Variants in CPQ observed in about 807,000 individuals in gnomAD.
CPQ encodes Ser-Met dipeptidase.
Under a neutral mutation model 45.7 loss-of-function variants are expected in CPQ, and 37 were observed. That is an observed-to-expected ratio of 0.81 (90% CI 0.62 to 1.07). CPQ has a LOEUF of 1.07. Ranked by LOEUF, CPQ falls within the 50% of genes least tolerant of loss-of-function variation. CPQ has a pLI of 0.00. For missense variants in CPQ, 537 were observed against 572.9 expected (o/e 0.94, Z 0.64); for synonymous variants, 186 against 205.8 (o/e 0.90, Z 0.82).
At chr8:96,901,581 T>C (rs899851805) in intron 4 of CPQ, among the ~76,000 whole-genome samples, 1 of 152,240 alleles carries the variant, frequency 6.6e-6, no homozygotes, top group Non-Finnish European at 1.5e-5. Context: ...ACAAATCTAA[T>C]GTGTAAAGCT....
At chr8:97,119,313 A>G (rs1811654011) in intron 7 of CPQ, among the ~76,000 whole-genome samples, 1 of 130,324 alleles carries the variant, frequency 7.7e-6, no homozygotes, top group South Asian at 2.7e-4. Context: ...TGGACGACAG[A>G]GTGAGACTCC....
At chr8:96,911,618 C>T (rs953861243) in intron 4 of CPQ, among the ~76,000 whole-genome samples, 3 of 152,168 alleles carry the variant, frequency 2.0e-5, no homozygotes, top group Admixed American at 6.5e-5. Context: ...TCTTGTCATG[C>T]GGTCCTGAGC....
At chr8:96,831,143 A>C (rs1811453122) in intron 2 of CPQ, among the ~76,000 whole-genome samples, 1 of 152,166 alleles carries the variant, frequency 6.6e-6, no homozygotes, top group Non-Finnish European at 1.5e-5. Flanking sequence ...GTTCCTTGGA[A>C]GTATACATTT....
chr8:97,066,335 T>C, intron 7 of CPQ, 125 bp downstream of exon 7: 1 of 828,800 alleles, frequency 1.2e-6, no homozygotes. Flanking sequence ...TAAGCTTTTG[T>C]TCAAGGTATA....
chr8:96,864,897 A>C (rs367989953), intron 3 of CPQ, among the ~76,000 whole-genome samples: 1 of 151,972 alleles, frequency 6.6e-6, no homozygotes, highest in Non-Finnish European at 1.5e-5. Flanking sequence ...TTCAAATTCC[A>C]GTTCCTTTCA....
intron 5 of CPQ, among the ~76,000 whole-genome samples, chr8:96,990,840 ATATC>A (rs1809081123): frequency 6.6e-6 from 1 of 152,184 alleles, no homozygotes; most frequent in Non-Finnish European, 1.5e-5. Flanking sequence ...AAAACCTCAA[ATATC>A]CTATAAGGTC....
chr8:96,683,360 T>C (rs1809176903), intron 1 of CPQ, among the ~76,000 whole-genome samples: 1 of 152,190 alleles, frequency 6.6e-6, no homozygotes, highest in Non-Finnish European at 1.5e-5. Flanking sequence ...GGACTGTAAT[T>C]TTTTGCTGAG....
intron 1 of CPQ, among the ~76,000 whole-genome samples, chr8:96,730,862 CATACATATAT>C (rs1809902103): frequency 3.4e-5 from 1 of 29,384 alleles, no homozygotes; most frequent in African/African-American, 9.3e-5. Context: ...ATTAACCATA[CATACATATAT>C]ATATATATAT....
At chr8:96,939,166 C>G (rs1813091783) in intron 4 of CPQ, among the ~76,000 whole-genome samples, 1 of 152,184 alleles carries the variant, frequency 6.6e-6, no homozygotes, top group African/African-American at 2.4e-5. Context: ...ATCACTAATA[C>G]CATCGACCTT....
chr8:97,109,909 G>A (rs896138406), intron 7 of CPQ, among the ~76,000 whole-genome samples: 1 of 151,800 alleles, frequency 6.6e-6, no homozygotes, highest in Non-Finnish European at 1.5e-5. Context: ...TTCTTTAAGG[G>A]TTATTCTCCA....
rs112994251 is a variant in CPQ, at chr8:96,918,482, T to C, written c.849+38477T>C. On this transcript the variant is annotated intron_variant, in intron 4 of 7. Transcript: ENST00000220763. ...CCCATTTCTCACCCTATAAGACTTT[T>C]CCCACATGATCAAACTTACCAGACA... Among the ~76,000 whole-genome samples, 391 of 152,208 alleles carry C rather than the reference T, an allele frequency of 2.6e-3. 2 individuals are homozygous for C. Among genetic ancestry groups the C allele is most frequent in the African/African-American group, 8.9e-3 (370 of 41,534 alleles).
At chr8:96,817,612 C>CTTTTT (rs111392702) in intron 2 of CPQ, among the ~76,000 whole-genome samples, 6 of 145,252 alleles carry the variant, frequency 4.1e-5, no homozygotes, top group Non-Finnish European at 7.6e-5. Flanking sequence ...TGGACTAGCA[C>CTTTTT]TTTTTTTTTT....
intron 7 of CPQ, among the ~76,000 whole-genome samples, chr8:97,073,166 A>C (rs928085134): frequency 5.3e-5 from 8 of 152,192 alleles, no homozygotes; most frequent in Non-Finnish European, 1.2e-4. Flanking sequence ...CCAAATACAC[A>C]GATTACTCAG....
chr8:96,750,438 A>C (rs1810243156), intron 1 of CPQ, among the ~76,000 whole-genome samples: 2 of 152,106 alleles, frequency 1.3e-5, no homozygotes, highest in Admixed American at 1.3e-4. Flanking sequence ...ATGTATTAGC[A>C]AATTTAATGA....
intron 7 of CPQ, among the ~76,000 whole-genome samples, chr8:97,110,886 T>C (rs1431695109): frequency 2.6e-5 from 4 of 152,160 alleles, no homozygotes; most frequent in African/African-American, 9.7e-5. Flanking sequence ...ATGATCCGAC[T>C]CACCCAGCAG....
rs1046616458 is a variant in CPQ at position 97,016,045 on chromosome 8, G to A, written c.962-13358G>A. On this transcript the variant is annotated intron_variant, in intron 5 of 7. Coordinates refer to ENST00000220763, the MANE Select transcript of CPQ (RefSeq NM_016134.4). ...TTTTAAATTTTAAAAAAGATATGTT[G>A]CTATATATTGTATTTATATTCAGAA... 1.3e-5 allele frequency among the ~76,000 whole-genome samples: 2 copies of A among 151,772 alleles called. 1 individual carries two copies.
At position 97,005,761 on chromosome 8, in the gene CPQ, G is replaced by C. The variant is rs182704752; in HGVS notation, c.962-23642G>C. Among the ~76,000 whole-genome samples, 815 of 152,100 alleles carry C rather than the reference G, an allele frequency of 5.4e-3. 3 individuals are homozygous for C. Among genetic ancestry groups the C allele is most frequent in the South Asian group, 8.1e-3 (39 of 4,812 alleles). ...AGAAACCTCATTTCTTCATTGAAAA[G>C]GTTATCAGTTTAATGCAGTGAAATC... On this transcript the variant is annotated intron_variant, in intron 5 of 7. Transcript: ENST00000220763.
intron 6 of CPQ, among the ~76,000 whole-genome samples, chr8:97,051,142 A>T (rs1810353964): frequency 6.6e-6 from 1 of 152,164 alleles, no homozygotes; most frequent in Non-Finnish European, 1.5e-5. Context: ...AATCACCATT[A>T]CTACCTTACT....
intron 3 of CPQ, among the ~76,000 whole-genome samples, chr8:96,855,692 C>A (rs180816202): frequency 2.0e-3 from 309 of 152,322 alleles, no homozygotes; most frequent in Middle Eastern, 6.8e-3. Flanking sequence ...GGTCCCTTCC[C>A]TCACGCATCT....
Sources: allele counts gnomAD v4.1 joint callset (sites outside exome capture counted in the v4.1 genomes callset), GRCh38; gene constraint gnomAD v4.1.1; transcripts MANE v1.5; gene names NCBI Gene and HGNC (gene_info 2026-07-23, HGNC 2026-07-21).